The following AHNAK variants were observed in gnomAD, a reference collection of about 807,000 sequenced individuals.
AHNAK encodes the protein AHNAK nucleoprotein.
AHNAK carries 23 observed loss-of-function variants against 37.8 expected under a neutral mutation model. That is an observed-to-expected ratio of 0.61 (90% CI 0.44 to 0.86). AHNAK has a LOEUF of 0.86. Among genes scored for constraint, AHNAK ranks in the 40% least tolerant of loss-of-function variants. The probability of loss-of-function intolerance (pLI) is 0.00; values close to 1 mark genes in which losing one functional copy is unlikely to be tolerated. For synonymous variants in AHNAK, 2,481 were observed against 2,636.3 expected, an observed-to-expected ratio of 0.94 and a Z score of 1.80; for missense variants, 7,411 against 7,319.4, an observed-to-expected ratio of 1.01 and a Z score of -0.46.
In AHNAK at chr11:62,524,738, T is replaced by G. The variant is rs763826382; in HGVS notation, c.9679A>C (p.Asn3227His). Residue 3227 changes from asparagine to histidine, a missense_variant, in exon 5 of 5, where the codon AAT becomes CAT. Transcript: ENST00000378024. ...CCTTTCATTTTAGGGCCTTTAAGATTGAGGTCCAAATCAGGCATTGATATT... is the reference window on the plus strand; with the variant it reads ...CCTTTCATTTTAGGGCCTTTAAGATGGAGGTCCAAATCAGGCATTGATATT... ...PKISMPDLDL[N>H]LKGPKMKGEV... 1.2e-6 allele frequency: 2 copies of G among 1,614,180 alleles called. No individual in the cohort carries two copies. The highest frequency in any genetic ancestry group is 3.3e-5 in the Admixed American group (2 of 60,010).
At chr11:62,534,887 G>A (rs1214306062) in intron 4 of AHNAK, 116 bp downstream of exon 4, 25 of 1,098,188 alleles carry the variant, frequency 2.3e-5, no homozygotes, top group Non-Finnish European at 3.0e-5. Context: ...CAGGTGAGAG[G>A]AGAAGAAGGA....
In AHNAK at chr11:62,520,167, G is replaced by C. The variant is rs1027455753; in HGVS notation, c.14250C>G (p.Leu4750=). The C allele has an allele frequency of 4.3e-6, 7 of 1,613,198 alleles. No individual in the cohort carries two copies. The highest frequency in any genetic ancestry group is 3.3e-4 in the Middle Eastern group (2 of 6,076). The part of the protein sequence containing the change: ...DVTLPKVEGD[L]KGPEADIKGP... ...CCTTGATGTCAGCTTCTGGGCCCTT[G>C]AGGTCACCTTCCACTTTAGGAAGGG... The change falls in exon 5 of 5, where the codon CTC becomes CTG. Residue 4750 remains leucine, a synonymous_variant. Transcript: ENST00000378024.
chr11:62,448,651 T>A (rs973701323), intron 5 of AHNAK, among the ~76,000 whole-genome samples: 1 of 152,154 alleles, frequency 6.6e-6, no homozygotes, highest in Non-Finnish European at 1.5e-5. Flanking sequence ...CCACTTTGAG[T>A]TCCATTTGGG....
rs775190922 is a variant in AHNAK at position 62,529,107 on chromosome 11, C to T, written c.5310G>A (p.Lys1770=). Residue 1770 remains lysine, a synonymous_variant, in exon 5 of 5, where the codon AAG becomes AAA. Coordinates refer to ENST00000378024, the MANE Select transcript of AHNAK (RefSeq NM_001620.3). ...GAGCTTTTATATTCAACTTGGGCATCTTAAATTTGGAGCCTTTCAACTTTC... is the reference window on the plus strand; with the variant it reads ...GAGCTTTTATATTCAACTTGGGCATTTTAAATTTGGAGCCTTTCAACTTTC... ...PEGKLKGSKF[K]MPKLNIKAPK... 7 of 1,614,148 alleles carry T rather than the reference C, an allele frequency of 4.3e-6. No homozygotes were observed. The highest frequency in any genetic ancestry group is 5.9e-6 in the Non-Finnish European group (7 of 1,180,024).
At chr11:62,471,237 C>T (rs1357524142) in intron 5 of AHNAK, among the ~76,000 whole-genome samples, 1 of 152,078 alleles carries the variant, frequency 6.6e-6, no homozygotes, top group Non-Finnish European at 1.5e-5. Context: ...TGTGGGAGGC[C>T]GTCCTGTATG....
At chr11:62,507,027 G>A (rs962086612) in intron 4 of AHNAK, among the ~76,000 whole-genome samples, 1 of 151,896 alleles carries the variant, frequency 6.6e-6, no homozygotes, top group African/African-American at 2.4e-5. Flanking sequence ...AACCTCCCAC[G>A]CACACATCTC....
In AHNAK at chr11:62,522,424, G is replaced by A. The variant is rs747749648; in HGVS notation, c.11993C>T (p.Ala3998Val). 12 of 1,614,032 alleles carry A rather than the reference G, an allele frequency of 7.4e-6. No individual in the cohort carries two copies. The East Asian group carries it at 1.1e-4, about 15-fold the overall frequency. The change falls in exon 5 of 5, where the codon GCC (alanine) becomes GTC (valine). Residue 3998 changes from alanine to valine, a missense_variant. Coordinates refer to ENST00000378024, the MANE Select transcript of AHNAK (RefSeq NM_001620.3). ...KFKMPEMNIKAPKISMPDFDL... is the reference protein window; with the variant it reads ...KFKMPEMNIKVPKISMPDFDL... ...AAAGTCAGGCATGGAGATCTTGGGGGCTTTGATGTTCATCTCTGGCATCTT... is the reference window on the plus strand; with the variant it reads ...AAAGTCAGGCATGGAGATCTTGGGGACTTTGATGTTCATCTCTGGCATCTT...
Position 62,532,725 on chromosome 11 carries a change from G to A in AHNAK, c.1692C>T (p.Thr564=), listed in dbSNP as rs766508111. 1.9e-5 allele frequency: 30 copies of A among 1,613,826 alleles called. No homozygotes were observed. Among genetic ancestry groups the A allele is most frequent in the East Asian group, 8.9e-5 (4 of 44,886 alleles). ...GPRLGSPSGK[T]GTCRISMSEV... The stretch of plus-strand genomic sequence containing the variant: ...CTGACATAGAGATCCTACAGGTTCC[G>A]GTTTTCCCGGAAGGACTGCCAAGCC... The change falls in exon 5 of 5, where the codon ACC becomes ACT. Residue 564 remains threonine, a synonymous_variant. Transcript: ENST00000378024.
At chr11:62,463,857 A>C (rs1299643394) in intron 5 of AHNAK, among the ~76,000 whole-genome samples, 3 of 151,732 alleles carry the variant, frequency 2.0e-5, no homozygotes, top group African/African-American at 7.3e-5. Context: ...TCCGCCTCCC[A>C]GGTTCAAACA....
chr11:62,503,540 G>A (rs1304471185), intron 4 of AHNAK, among the ~76,000 whole-genome samples: 2 of 149,988 alleles, frequency 1.3e-5, no homozygotes, highest in Non-Finnish European at 3.0e-5. Flanking sequence ...CCAAGACCGT[G>A]TCATTGCACT....
Position 62,519,646 on chromosome 11 carries a change from T to C in AHNAK, c.14771A>G (p.His4924Arg), listed in dbSNP as rs1940157153. Residue 4924 changes from histidine (H) to arginine (R), a missense_variant, in exon 5 of 5, where the codon CAT becomes CGT. Physicochemically the swap from His to Arg is conservative, Grantham distance 29. Coordinates refer to ENST00000378024, the MANE Select transcript of AHNAK (RefSeq NM_001620.3). ...PKVTAPDVDL[H>R]LKAPKIGFSG... Reference sequence around the variant, plus strand: ...AAATCCAATTTTTGGTGCCTTGAGATGCAAATCAACATCAGGAGCAGTTAC... The same window carrying C: ...AAATCCAATTTTTGGTGCCTTGAGACGCAAATCAACATCAGGAGCAGTTAC... 6.2e-7 allele frequency: 1 copy of C among 1,614,018 alleles called. No homozygotes were observed. The highest frequency in any genetic ancestry group is 8.5e-7 in the Non-Finnish European group (1 of 1,179,988).
chr11:62,535,868 G>A, intron 3 of AHNAK, 77 bp downstream of exon 3: 3 of 1,528,582 alleles, frequency 2.0e-6, no homozygotes, highest in Admixed American at 1.9e-5. Context: ...ACTTCTGCCT[G>A]CTCCCTGCCC....
chr11:62,451,982 A>T (rs1349557153), intron 5 of AHNAK, among the ~76,000 whole-genome samples: 2 of 143,990 alleles, frequency 1.4e-5, no homozygotes, highest in Non-Finnish European at 3.1e-5. Flanking sequence ...TAATTTTTGT[A>T]TTTTTTTTTT....
At position 62,526,823 on chromosome 11, in the gene AHNAK, C is replaced by T. The variant is rs369178387; in HGVS notation, c.7594G>A (p.Val2532Ile). 2.7e-5 allele frequency: 43 copies of T among 1,613,542 alleles called. No individual in the cohort carries two copies. The highest frequency in any genetic ancestry group is 6.7e-5 in the Admixed American group (4 of 59,952). Residue 2532 changes from valine (V) to isoleucine (I), a missense_variant, in exon 5 of 5, where the codon GTC becomes ATC. Coordinates refer to ENST00000378024, the MANE Select transcript of AHNAK (RefSeq NM_001620.3). ...GFKAEGPEVD[V>I]NLPKADVDIS... ...TCAACGTCAGCCTTAGGCAAGTTGA[C>T]GTCTACTTCAGGGCCCTCTGCTTTG...
rs1248227152 is a variant in AHNAK, at chr11:62,530,674, G to C, written c.3743C>G (p.Pro1248Arg). ...IDAPDVEVQG[P>R]DWHLKMPKMK... ...CTTGGGCATCTTCAGGTGCCAGTCT[G>C]GGCCTTGAACCTCCACATCTGGGGC... is the stretch of plus-strand genomic sequence containing the variant. The change falls in exon 5 of 5, where the codon CCA (proline) becomes CGA (arginine). Residue 1248 changes from proline to arginine, a missense_variant. By Grantham distance (103) the Pro-to-Arg change is moderately radical (BLOSUM62 -2). Transcript: ENST00000378024. 2 of 1,612,478 alleles carry C rather than the reference G, an allele frequency of 1.2e-6. No individual in the cohort carries two copies. The highest frequency in any genetic ancestry group is 1.7e-6 in the Non-Finnish European group (2 of 1,179,676).
rs779413503 is a variant in AHNAK at position 62,523,485 on chromosome 11, G to A, written c.10932C>T (p.Asp3644=). The A allele has an allele frequency of 6.2e-6, 10 of 1,613,302 alleles. No homozygotes were observed. The highest frequency in any genetic ancestry group is 1.1e-5 in the South Asian group (1 of 91,040). The part of the protein sequence containing the change: ...SGPNVDVDVP[D]VNIEGPDAKL... The stretch of plus-strand genomic sequence containing the variant: ...TTGCATCTGGACCTTCAATATTCAC[G>A]TCTGGAACATCAACGTCTACATTGG... Residue 3644 remains aspartate, a synonymous_variant, in exon 5 of 5, where the codon GAC becomes GAT. Coordinates refer to ENST00000378024, the MANE Select transcript of AHNAK (RefSeq NM_001620.3).
chr11:62,504,840 C>T (rs1393259227), intron 4 of AHNAK, among the ~76,000 whole-genome samples: 1 of 152,122 alleles, frequency 6.6e-6, no homozygotes, highest in Non-Finnish European at 1.5e-5. Context: ...CAAGGCGGTA[C>T]CACGCTGTTT....
At chr11:62,435,315 G>C (rs897737471) in intron 5 of AHNAK, among the ~76,000 whole-genome samples, 7 of 152,218 alleles carry the variant, frequency 4.6e-5, no homozygotes, top group African/African-American at 1.7e-4. Context: ...TCTTCCAAAT[G>C]TGTGTTGAAT....
chr11:62,475,756 C>A (rs1939131716), intron 5 of AHNAK, among the ~76,000 whole-genome samples: 1 of 151,824 alleles, frequency 6.6e-6, no homozygotes, highest in Admixed American at 6.6e-5. Context: ...AGGCGCCCGC[C>A]ATCACACCCA....
Sources: allele counts gnomAD v4.1 joint callset (sites outside exome capture counted in the v4.1 genomes callset), GRCh38; gene constraint gnomAD v4.1.1; transcripts MANE v1.5; gene names NCBI Gene and HGNC (gene_info 2026-07-23, HGNC 2026-07-21).